CFAP44: variants seen among roughly 807,000 people sequenced by gnomAD.
The protein encoded by CFAP44 is cilia and flagella associated protein 44, also known as cilia- and flagella-associated protein 44.
A neutral mutation model predicts 216.2 loss-of-function variants in CFAP44; 134 were observed. That is an observed-to-expected ratio of 0.62 (90% CI 0.54 to 0.72). The LOEUF (loss-of-function observed/expected upper bound fraction) is 0.72, where lower values mean the gene tolerates loss of function less well. CFAP44 is among the 30% of genes least tolerant of loss of function. The pLI is 0.00. For missense variants in CFAP44, 2,035 were observed against 2,182.1 expected (o/e 0.93, Z 1.34); for synonymous variants, 700 against 727.6 (o/e 0.96, Z 0.61).
At chr3:113,434,673 T>C (rs1031038046) in intron 1 of CFAP44, 2 of 152,252 alleles carry the variant, frequency 1.3e-5, no homozygotes, top group African/African-American at 2.4e-5. Context: ...GCAAGCAGAA[T>C]GGAACACTAG....
At chr3:113,396,825 T>C (rs1934005108) in intron 13 of CFAP44, 98 bp from the exon 14 acceptor site, 1 of 1,214,738 alleles carries the variant, frequency 8.2e-7, no homozygotes, top group Non-Finnish European at 1.1e-6. Flanking sequence ...AATTTAATAT[T>C]GGCTGCCCAT....
intron 17 of CFAP44, among the ~76,000 whole-genome samples, chr3:113,374,826 C>A (rs560074362): frequency 2.0e-5 from 3 of 152,012 alleles, no homozygotes; most frequent in African/African-American, 7.3e-5. Context: ...AGTAGAGATG[C>A]GGTTTTGCCA....
At chr3:113,411,760 C>A (rs1934482327) in intron 6 of CFAP44, among the ~76,000 whole-genome samples, 1 of 152,170 alleles carries the variant, frequency 6.6e-6, no homozygotes, top group African/African-American at 2.4e-5. Flanking sequence ...GATATTGATT[C>A]TTCCTATCCA....
chr3:113,416,570 T>TA lies in CFAP44; in HGVS notation c.627dup (p.Ile210TyrfsTer4). 1 of 1,612,696 alleles carries TA rather than the reference T, an allele frequency of 6.2e-7. No individual in the cohort carries two copies. The highest frequency in any genetic ancestry group is 1.3e-5 in the African/African-American group (1 of 75,000). Reference sequence around the variant, plus strand: ...CTCAGAGAAGGATATTCATAGATGATAATATCTGGAAAACTCCCTTTTTCA... The same window carrying TA: ...CTCAGAGAAGGATATTCATAGATGATAAATATCTGGAAAACTCCCTTTTTCA... On this transcript the variant is annotated frameshift_variant, in exon 6 of 35. Coordinates refer to ENST00000393845, the MANE Select transcript of CFAP44 (RefSeq NM_001164496.2). LOFTEE classifies it high-confidence loss of function.
chr3:113,417,831 T>C (rs1489272407), intron 5 of CFAP44, among the ~76,000 whole-genome samples: 1 of 152,136 alleles, frequency 6.6e-6, no homozygotes, highest in Non-Finnish European at 1.5e-5. Context: ...ATAGTAGATC[T>C]CAAGGAGGTG....
chr3:113,385,596 G>C (rs1432198984), intron 15 of CFAP44, among the ~76,000 whole-genome samples: 1 of 151,988 alleles, frequency 6.6e-6, no homozygotes, highest in Non-Finnish European at 1.5e-5. Flanking sequence ...ACATCTGTTA[G>C]GGCTATTTGG....
intron 24 of CFAP44, among the ~76,000 whole-genome samples, chr3:113,339,048 C>A (rs1374189346): frequency 6.6e-6 from 1 of 152,182 alleles, no homozygotes; most frequent in Non-Finnish European, 1.5e-5. Context: ...GATTGCCTTG[C>A]AAGCTATACA....
Position 113,288,031 on chromosome 3 carries a change from A to C in CFAP44, c.*3526T>G, listed in dbSNP as rs1245692277. 6.6e-6 allele frequency: 1 copy of C among 152,186 alleles called. No individual in the cohort carries two copies. Among genetic ancestry groups the C allele is most frequent in the Non-Finnish European group, 1.5e-5 (1 of 68,040 alleles). 9.4% of individuals were successfully genotyped at this position (152,186 alleles called of 1,614,324 possible). The stretch of plus-strand genomic sequence containing the variant: ...TGGAAGTGGAATTAGATGGAGACTG[A>C]TGCTTGCAATGAAAGCCTTACTACG... On this transcript the variant is annotated 3_prime_UTR_variant, in exon 35 of 35. Coordinates refer to ENST00000393845, the MANE Select transcript of CFAP44 (RefSeq NM_001164496.2).
At chr3:113,324,912 A>G (rs1046444048) in intron 28 of CFAP44, among the ~76,000 whole-genome samples, 1 of 152,232 alleles carries the variant, frequency 6.6e-6, no homozygotes, top group African/African-American at 2.4e-5. Context: ...CTTAGAACTA[A>G]TAAGTAAGGT....
intron 26 of CFAP44, among the ~76,000 whole-genome samples, chr3:113,329,912 G>A (rs1266144202): frequency 6.6e-6 from 1 of 152,020 alleles, no homozygotes; most frequent in Non-Finnish European, 1.5e-5. Context: ...TGAAACATGG[G>A]CTTCCCCTTC....
At chr3:113,317,478 C>T (rs1469849454) in intron 28 of CFAP44, among the ~76,000 whole-genome samples, 1 of 152,238 alleles carries the variant, frequency 6.6e-6, no homozygotes, top group African/African-American at 2.4e-5. Flanking sequence ...TGCCTCACCG[C>T]CCTGCAGGAG....
Position 113,375,061 on chromosome 3 carries a change from C to G in CFAP44, c.2299-1505G>C, listed in dbSNP as rs539395534. On this transcript the variant is annotated intron_variant, in intron 17 of 34. Transcript: ENST00000393845. Reference sequence around the variant, plus strand: ...CACGGATGAAACTTGGGGAAATTATCCCAAGTGAAACAAGCCAGTCATAAA... The same window carrying G: ...CACGGATGAAACTTGGGGAAATTATGCCAAGTGAAACAAGCCAGTCATAAA... 4.6e-5 allele frequency among the ~76,000 whole-genome samples: 7 copies of G among 152,222 alleles called. 1 individual carries two copies. In the South Asian group the frequency reaches 1.5e-3, roughly 32 times the overall value.
At chr3:113,323,694 T>C (rs1950164644) in intron 28 of CFAP44, among the ~76,000 whole-genome samples, 1 of 152,174 alleles carries the variant, frequency 6.6e-6, no homozygotes, top group Admixed American at 6.5e-5. Context: ...GCATCTTAGA[T>C]GAAATATACC....
intron 22 of CFAP44, among the ~76,000 whole-genome samples, chr3:113,356,435 G>A (rs1353167783): frequency 6.6e-6 from 1 of 152,044 alleles, no homozygotes; most frequent in African/African-American, 2.4e-5. Context: ...AAAGCTGGAG[G>A]ATTTACAATA....
chr3:113,398,744 G>T (rs1284938707), intron 13 of CFAP44, among the ~76,000 whole-genome samples: 1 of 152,052 alleles, frequency 6.6e-6, no homozygotes, highest in African/African-American at 2.4e-5. Context: ...TTTACTTTTA[G>T]CCTGGAATAT....
intron 28 of CFAP44, among the ~76,000 whole-genome samples, chr3:113,311,913 G>T (rs937059794): frequency 3.9e-5 from 6 of 152,086 alleles, no homozygotes; most frequent in African/African-American, 1.4e-4. Flanking sequence ...AAAGAGACTG[G>T]GGGCATTTTG....
intron 18 of CFAP44, 129 bp downstream of exon 18, chr3:113,373,282 T>G: frequency 2.3e-6 from 2 of 879,128 alleles, no homozygotes; most frequent in Non-Finnish European, 3.1e-6. Context: ...TTTGATTTAT[T>G]TAACCAAATA....
chr3:113,291,520 G>A lies in CFAP44; in HGVS notation c.*37C>T, dbSNP rs756401749. 3.8e-5 allele frequency: 58 copies of A among 1,524,736 alleles called. No homozygotes were observed. Among genetic ancestry groups the A allele is most frequent in the Non-Finnish European group, 4.9e-5 (56 of 1,137,492 alleles). 94.5% of individuals were successfully genotyped at this position (1,524,736 alleles called of 1,614,324 possible). On this transcript the variant is annotated 3_prime_UTR_variant, in exon 35 of 35. Transcript: ENST00000393845. ...GGAGACAGAACTTCCAGTGAGTTAT[G>A]TCAGAAATCTTGTATGGGTTTGAGA...
At chr3:113,325,864 A>G (rs1220993732) in intron 28 of CFAP44, among the ~76,000 whole-genome samples, 1 of 152,258 alleles carries the variant, frequency 6.6e-6, no homozygotes, top group African/African-American at 2.4e-5. Flanking sequence ...ATATTGACAC[A>G]TAGATCAATG....
Sources: gnomAD v4.1 joint callset for allele counts (sites outside exome capture counted in the v4.1 genomes callset) on GRCh38, gnomAD v4.1.1 for gene constraint, MANE v1.5 for transcripts, NCBI Gene and HGNC (gene_info 2026-07-23, HGNC 2026-07-21) for gene names.